Variants in LUZP2 observed in about 807,000 individuals in gnomAD.
LUZP2 encodes leucine zipper protein 2.
LUZP2 carries 52 observed loss-of-function variants against 51.6 expected under a neutral mutation model. That is an observed-to-expected ratio of 1.01 (90% CI 0.81 to 1.27). LUZP2 has a LOEUF of 1.27. Ranked by LOEUF, LUZP2 falls within the 50% of genes most tolerant of loss-of-function variation. The probability of loss-of-function intolerance (pLI) is 0.00; values close to 1 mark genes in which losing one functional copy is unlikely to be tolerated. For synonymous variants in LUZP2, 154 were observed against 137.3 expected (o/e 1.12, Z -0.85); for missense variants, 436 against 395.4 (o/e 1.10, Z -0.87).
intron 1 of LUZP2, among the ~76,000 whole-genome samples, chr11:24,511,298 T>A (rs1850302828): frequency 6.6e-6 from 1 of 152,210 alleles, no homozygotes; most frequent in Non-Finnish European, 1.5e-5. Flanking sequence ...GCAGGTTTCC[T>A]TCAAAGTCCT....
chr11:24,788,180 A>ATTTTTTTTTTTTTTTTT (rs61308017), intron 5 of LUZP2, among the ~76,000 whole-genome samples: 6 of 83,396 alleles, frequency 7.2e-5, no homozygotes, highest in African/African-American at 2.2e-4. Context: ...TTTGTTTTTA[A>ATTTTTTTTTTTTTTTTT]TTTTTTTTTT....
chr11:24,625,026 C>A (rs1854629396), intron 1 of LUZP2, among the ~76,000 whole-genome samples: 1 of 151,988 alleles, frequency 6.6e-6, no homozygotes, highest in Non-Finnish European at 1.5e-5. Flanking sequence ...CTGTCATTCC[C>A]AAATGCCATT....
At chr11:25,049,376 T>C (rs1040488504) in intron 9 of LUZP2, among the ~76,000 whole-genome samples, 1 of 152,224 alleles carries the variant, frequency 6.6e-6, no homozygotes, top group African/African-American at 2.4e-5. Context: ...ATCTTAAACC[T>C]ACCTATAGCG....
At chr11:24,865,779 TA>T (rs1851875045) in intron 5 of LUZP2, among the ~76,000 whole-genome samples, 1 of 13,570 alleles carries the variant, frequency 7.4e-5, no homozygotes. Context: ...TATGCATGTA[TA>T]TGTGTGTGTG....
At chr11:24,739,359 G>A (rs941293348) in intron 4 of LUZP2, among the ~76,000 whole-genome samples, 2 of 151,988 alleles carry the variant, frequency 1.3e-5, no homozygotes, top group Admixed American at 6.6e-5. Context: ...AGTGGCCTGA[G>A]ATAATAAAAG....
chr11:24,622,785 G>A (rs10767221), intron 1 of LUZP2, among the ~76,000 whole-genome samples: 65,032 of 151,780 alleles, frequency 0.43, 13,988 homozygotes, highest in Middle Eastern at 0.48. Flanking sequence ...AATATAAATA[G>A]TTTACTTGAC....
At chr11:24,566,313 G>T (rs7924351) in intron 1 of LUZP2, among the ~76,000 whole-genome samples, 2,088 of 116,556 alleles carry the variant, frequency 0.018, 41 homozygotes, top group South Asian at 0.085. Flanking sequence ...TTTATTTATT[G>T]TATTATTTAT....
At chr11:24,940,257 T>C (rs1422733489) in intron 7 of LUZP2, among the ~76,000 whole-genome samples, 3 of 152,262 alleles carry the variant, frequency 2.0e-5, no homozygotes, top group Non-Finnish European at 4.4e-5. Context: ...ACTTTTCTAA[T>C]TTAAAGTTAA....
intron 1 of LUZP2, among the ~76,000 whole-genome samples, chr11:24,655,473 T>G (rs1323383323): frequency 1.3e-5 from 2 of 152,138 alleles, no homozygotes; most frequent in Admixed American, 6.5e-5. Context: ...GCATGGTGAT[T>G]TTGAACATTC....
intron 1 of LUZP2, among the ~76,000 whole-genome samples, chr11:24,509,012 GA>G (rs1447289454): frequency 1.3e-5 from 2 of 152,142 alleles, no homozygotes; most frequent in Non-Finnish European, 1.5e-5. Flanking sequence ...AAGTAACTCA[GA>G]AACTAAGGAG....
rs550919542 is a variant in LUZP2, at chr11:24,906,462, T to G, written c.459+409T>G. On this transcript the variant is annotated intron_variant, in intron 6 of 11. Coordinates refer to ENST00000336930, the MANE Select transcript of LUZP2 (RefSeq NM_001009909.4). ...AGAGTGAAGATTCCGGGCTTGTCCA[T>G]AAACCATACAAAATCAATACACTCA... is the stretch of plus-strand genomic sequence containing the variant. 4.6e-5 allele frequency among the ~76,000 whole-genome samples: 7 copies of G among 152,270 alleles called. No individual in the cohort carries two copies. The South Asian group carries it at 1.4e-3, about 32-fold the overall frequency.
chr11:24,613,358 C>A (rs1212443450), intron 1 of LUZP2, among the ~76,000 whole-genome samples: 1 of 152,076 alleles, frequency 6.6e-6, no homozygotes, highest in East Asian at 1.9e-4. Context: ...AAACACACTT[C>A]TTTCTCTCTT....
At chr11:24,818,743 T>C (rs968687228) in intron 5 of LUZP2, among the ~76,000 whole-genome samples, 6 of 152,056 alleles carry the variant, frequency 3.9e-5, no homozygotes, top group African/African-American at 1.4e-4. Flanking sequence ...AACTTAAACA[T>C]CACTTTCACA....
intron 5 of LUZP2, among the ~76,000 whole-genome samples, chr11:24,780,975 G>A (rs1397557539): frequency 6.6e-6 from 1 of 152,120 alleles, no homozygotes; most frequent in African/African-American, 2.4e-5. Context: ...GAGGGAAAGA[G>A]AAATAAAAGT....
chr11:24,832,891 G>A (rs1429206970), intron 5 of LUZP2, among the ~76,000 whole-genome samples: 9 of 150,046 alleles, frequency 6.0e-5, no homozygotes, highest in Non-Finnish European at 1.0e-4. Context: ...TTTTACTTTA[G>A]TCCCCTGTAT....
chr11:24,906,027 A>G lies in LUZP2; in HGVS notation c.433A>G (p.Lys145Glu), dbSNP rs200299152. ...SLKNKLLSGNKLCGIHAEESK... is the reference protein window; with the variant it reads ...SLKNKLLSGNELCGIHAEESK... ...GAAAAACAAACTCTTGTCAGGAAACAAGCTCTGTGGCATTCACGCAGAAGA... is the reference window on the plus strand; with the variant it reads ...GAAAAACAAACTCTTGTCAGGAAACGAGCTCTGTGGCATTCACGCAGAAGA... Residue 145 changes from lysine (K) to glutamate (E), a missense_variant, in exon 6 of 12, where the codon AAG (lysine) becomes GAG (glutamate). By Grantham distance (56) the Lys-to-Glu change is moderately conservative. Transcript: ENST00000336930. The G allele has an allele frequency of 9.3e-6, 15 of 1,613,358 alleles. No individual in the cohort carries two copies. Among genetic ancestry groups the G allele is most frequent in the Non-Finnish European group, 1.1e-5 (13 of 1,179,606 alleles).
chr11:24,621,233 A>G (rs997284507), intron 1 of LUZP2, among the ~76,000 whole-genome samples: 1 of 152,228 alleles, frequency 6.6e-6, no homozygotes, highest in Non-Finnish European at 1.5e-5. Context: ...TTAACATTTT[A>G]TCTTGGTTAA....
At chr11:24,713,898 G>T (rs1590386622) in intron 1 of LUZP2, among the ~76,000 whole-genome samples, 1 of 99,244 alleles carries the variant, frequency 1.0e-5, no homozygotes. Context: ...GTTTCACCAT[G>T]TTGGCTAGGC....
At chr11:24,525,188 A>G (rs1035390378) in intron 1 of LUZP2, among the ~76,000 whole-genome samples, 2 of 151,570 alleles carry the variant, frequency 1.3e-5, no homozygotes, top group African/African-American at 4.8e-5. Flanking sequence ...AGTCTGAAAC[A>G]CTCATTTTCC....
Sources: allele counts gnomAD v4.1 joint callset (sites outside exome capture counted in the v4.1 genomes callset), GRCh38; gene constraint gnomAD v4.1.1; transcripts MANE v1.5; gene names NCBI Gene and HGNC (gene_info 2026-07-23, HGNC 2026-07-21).